Variants in EIF2AK1 observed in about 807,000 individuals in gnomAD.
The protein encoded by EIF2AK1 is eukaryotic translation initiation factor 2 alpha kinase 1.
Under a neutral mutation model 77.9 loss-of-function variants are expected in EIF2AK1, and 54 were observed. The observed-to-expected ratio is 0.69, with a 90% confidence interval of 0.56 to 0.87. The LOEUF (loss-of-function observed/expected upper bound fraction) is 0.87, where lower values mean the gene tolerates loss of function less well. Among genes scored for constraint, EIF2AK1 ranks in the 40% least tolerant of loss-of-function variants. EIF2AK1 has a pLI of 0.00. For synonymous variants in EIF2AK1, 314 were observed against 290.5 expected, an observed-to-expected ratio of 1.08 and a Z score of -0.82; for missense variants, 810 against 768.6, an observed-to-expected ratio of 1.05 and a Z score of -0.64.
rs1488649921 is a variant in EIF2AK1, at chr7:6,032,573, A to C, written c.1333-3541T>G. Among the ~76,000 whole-genome samples, 1 of 152,236 alleles carries C rather than the reference A, an allele frequency of 6.6e-6. No individual in the cohort carries two copies. The highest frequency in any genetic ancestry group is 1.5e-5 in the Non-Finnish European group (1 of 68,046). The stretch of plus-strand genomic sequence containing the variant: ...AGGCTCTTCTGAAGAATCAACTTTC[A>C]AAAATTTCCAAAGCTTTTGAGTGTT... On this transcript the variant is annotated intron_variant, in intron 11 of 14. Transcript: ENST00000199389. The surrounding 1 kb of genome is among the most constrained non-coding windows in gnomAD (Gnocchi z 4.3).
At chr7:6,044,014 A>T (rs1322780413) in intron 7 of EIF2AK1, among the ~76,000 whole-genome samples, 1 of 147,644 alleles carries the variant, frequency 6.8e-6, no homozygotes, top group Non-Finnish European at 1.5e-5. Flanking sequence ...CAGAAGAATC[A>T]CTTAAGCCCA....
In EIF2AK1 at chr7:6,036,586, C is replaced by G. The variant is rs1257738251; in HGVS notation, c.1332+838G>C. ...TTCCTAGGTTTTTTTTTTTTTCATG[C>G]CCTTTCCATGATTTAACTTTGGGCT... On this transcript the variant is annotated intron_variant, in intron 11 of 14. Transcript: ENST00000199389. This position sits in a 1 kb window ranked among gnomAD's most constrained non-coding sequence, Gnocchi z 4.6. Among the ~76,000 whole-genome samples the G allele has an allele frequency of 6.7e-6, 1 of 150,072 alleles. No individual in the cohort carries two copies. Among genetic ancestry groups the G allele is most frequent in the Non-Finnish European group, 1.5e-5 (1 of 67,596 alleles).
At position 6,048,852 on chromosome 7, in the gene EIF2AK1, T is replaced by A. The variant is rs1322749747; in HGVS notation, c.412-8A>T. On this transcript the variant is annotated splice_polypyrimidine_tract_variant and splice_region_variant and intron_variant, in intron 3 of 14. Coordinates refer to ENST00000199389, the MANE Select transcript of EIF2AK1 (RefSeq NM_014413.4). ...AATATCCTCACAAGGATCCTACAATTAAAAAATTGTTTTTAAAAAGCATTT... is the reference window on the plus strand; with the variant it reads ...AATATCCTCACAAGGATCCTACAATAAAAAAATTGTTTTTAAAAAGCATTT... 3.8e-6 allele frequency: 6 copies of A among 1,571,850 alleles called. No homozygotes were observed. The highest frequency in any genetic ancestry group is 5.1e-6 in the Non-Finnish European group (6 of 1,165,830).
chr7:6,048,830 A>G lies in EIF2AK1; in HGVS notation c.426T>C (p.Asp142=). ...ACCTGATTTTCTGGATACGAGAAAT[A>G]TCCTCACAAGGATCCTACAATTAAA... is the stretch of plus-strand genomic sequence containing the variant. ...KERVRQDPCE[D]ISRIQKIRSR... Residue 142 remains aspartate (D), a synonymous_variant, in exon 4 of 15, where the codon GAT becomes GAC. Coordinates refer to ENST00000199389, the MANE Select transcript of EIF2AK1 (RefSeq NM_014413.4). 3.8e-6 allele frequency: 6 copies of G among 1,589,340 alleles called. No individual in the cohort carries two copies. The highest frequency in any genetic ancestry group is 5.1e-6 in the Non-Finnish European group (6 of 1,172,706).
chr7:6,040,570 G>A (rs932374272), intron 9 of EIF2AK1, among the ~76,000 whole-genome samples: 2 of 152,288 alleles, frequency 1.3e-5, no homozygotes, highest in Middle Eastern at 6.8e-3. Flanking sequence ...AAATCGTTTT[G>A]CATAAATATA....
At chr7:6,039,410 A>C (rs1788226443) in intron 9 of EIF2AK1, among the ~76,000 whole-genome samples, 1 of 151,812 alleles carries the variant, frequency 6.6e-6, no homozygotes, top group Non-Finnish European at 1.5e-5. Context: ...TCACGAGGTC[A>C]GGAGTTCAAG....
rs1488264381 is a variant in EIF2AK1, at chr7:6,059,087, C to A, written c.-4G>T. ...CCCCGGAGTTGCCCCCCTGCATCGC[C>A]GGCCGCGCGCGGGCCGCAGCCCAGC... On this transcript the variant is annotated 5_prime_UTR_variant, in exon 1 of 15. Transcript: ENST00000199389. 7.2e-7 allele frequency: 1 copy of A among 1,382,150 alleles called. No homozygotes were observed. The highest frequency in any genetic ancestry group is 1.7e-5 in the South Asian group (1 of 60,584). The allele number at this position is 1,382,150 out of a possible 1,614,324, so 85.6% of individuals were successfully genotyped here.
In EIF2AK1 at chr7:6,022,842, A is replaced by T. The variant is rs919626572; in HGVS notation, c.*1831T>A. 3.1e-5 allele frequency: 5 copies of T among 159,630 alleles called. No individual in the cohort carries two copies. The highest frequency in any genetic ancestry group is 7.2e-5 in the African/African-American group (3 of 41,546). 9.9% of individuals were successfully genotyped at this position (159,630 alleles called of 1,614,324 possible). A position where few individuals can be genotyped will look rare whatever the true frequency, so the allele number is the denominator to read the frequency against. ...TATGGCCATATAAAGATAGGATGTT[A>T]TGTATTGACTATCCCACAGATGTAT... On this transcript the variant is annotated 3_prime_UTR_variant, in exon 15 of 15. Transcript: ENST00000199389.
chr7:6,039,903 C>A (rs1244616574), intron 9 of EIF2AK1, among the ~76,000 whole-genome samples: 1 of 151,960 alleles, frequency 6.6e-6, no homozygotes, highest in Non-Finnish European at 1.5e-5. Flanking sequence ...TGCCACTGTA[C>A]TCCAGCCTGG....
chr7:6,023,053 C>G lies in EIF2AK1; in HGVS notation c.*1620G>C. 11 of 451,394 alleles carry G rather than the reference C, an allele frequency of 2.4e-5. No homozygotes were observed. Among genetic ancestry groups the G allele is most frequent in the South Asian group, 7.1e-5 (2 of 28,160 alleles). The allele number at this position is 451,394 out of a possible 1,614,324, so 28.0% of individuals were successfully genotyped here. On this transcript the variant is annotated 3_prime_UTR_variant, in exon 15 of 15. Transcript: ENST00000199389. ...TGGAGCAGGTGGTCTGAGGTCCCTT[C>G]TAGCTTCAGAAGTGTCATAATCAAA...
chr7:6,034,777 C>T (rs950960240), intron 11 of EIF2AK1, among the ~76,000 whole-genome samples: 7 of 152,154 alleles, frequency 4.6e-5, no homozygotes, highest in African/African-American at 1.4e-4. Flanking sequence ...TTTTTGAAAG[C>T]GCTTCTGAGA....
In EIF2AK1 at chr7:6,024,716, T is replaced by C. The variant is rs1189364184; in HGVS notation, c.1850A>G (p.Asp617Gly). 3 of 1,610,046 alleles carry C rather than the reference T, an allele frequency of 1.9e-6. No individual in the cohort carries two copies. Among genetic ancestry groups the C allele is most frequent in the Non-Finnish European group, 2.5e-6 (3 of 1,178,934 alleles). ...LKKQLNLLSQDKGVRDDGKDG... is the reference protein window; with the variant it reads ...LKKQLNLLSQGKGVRDDGKDG... ...CTTTCCGTCATCCCTCACCCCTTTGTCTTGAGAAAGGAGGTTTAGCTGCTT... is the reference window on the plus strand; with the variant it reads ...CTTTCCGTCATCCCTCACCCCTTTGCCTTGAGAAAGGAGGTTTAGCTGCTT... The change falls in exon 15 of 15, where the codon GAC (aspartate) becomes GGC (glycine). Residue 617 changes from aspartate (D) to glycine (G), a missense_variant. Around this residue, in one of 3 missense-constraint regions of EIF2AK1, gnomAD observed 549 missense variants for 533.7 expected, o/e 1.03. Transcript: ENST00000199389.
At chr7:6,058,229 G>A in intron 1 of EIF2AK1, 2 of 447,882 alleles carry the variant, frequency 4.5e-6, no homozygotes, top group South Asian at 3.1e-5. Context: ...GGGAAACACA[G>A]CAAGACCACA....
chr7:6,040,926 G>C lies in EIF2AK1; in HGVS notation c.1085C>G (p.Ser362Cys). The C allele has an allele frequency of 5.6e-6, 9 of 1,614,144 alleles. No individual in the cohort carries two copies. Among genetic ancestry groups the C allele is most frequent in the Non-Finnish European group, 7.6e-6 (9 of 1,180,014 alleles). ...ACCCAAAAAGTTGACATTTTCTTCG[G>C]AAGATTCTTCGGTGGATGTGAAACT... ...EESFTSTEESSEENVNFLGQT... is the reference protein window; with the variant it reads ...EESFTSTEESCEENVNFLGQT... Residue 362 changes from serine to cysteine, a missense_variant, in exon 9 of 15, where the codon TCC becomes TGC. Physicochemically the swap from Ser to Cys is moderately radical, Grantham distance 112 (BLOSUM62 -1). Coordinates refer to ENST00000199389, the MANE Select transcript of EIF2AK1 (RefSeq NM_014413.4).
Position 6,038,621 on chromosome 7 carries a change from C to T in EIF2AK1, c.1170G>A (p.Ser390=), listed in dbSNP as rs1788176681. 6.8e-6 allele frequency: 11 copies of T among 1,613,308 alleles called. No individual in the cohort carries two copies. The highest frequency in any genetic ancestry group is 2.2e-5 in the East Asian group (1 of 44,824). The change falls in exon 10 of 15, where the codon TCG becomes TCA. Residue 390 remains serine, a synonymous_variant. Coordinates refer to ENST00000199389, the MANE Select transcript of EIF2AK1 (RefSeq NM_014413.4). ...LHIQMQLCEL[S]LWDWIVERNK... ...TTCTCTCGACTATCCAATCCCACAG[C>T]GAGAGCTCACACAGCTGCATCTGGA... is the stretch of plus-strand genomic sequence containing the variant.
chr7:6,024,043 G>A lies in EIF2AK1; in HGVS notation c.*630C>T, dbSNP rs12657. On this transcript the variant is annotated 3_prime_UTR_variant, in exon 15 of 15. Coordinates refer to ENST00000199389, the MANE Select transcript of EIF2AK1 (RefSeq NM_014413.4). The stretch of plus-strand genomic sequence containing the variant: ...CAGGGCAAAGGCAGGAAAGAGATCT[G>A]AGCTGCCTGGAGATCATCTGGGGTG... 0.047 allele frequency: 61,319 copies of A among 1,313,014 alleles called. 1,626 individuals are homozygous for A. The highest frequency in any genetic ancestry group is 0.053 in the Non-Finnish European group (52,903 of 1,005,354). 81.3% of individuals were successfully genotyped at this position (1,313,014 alleles called of 1,614,324 possible).
Position 6,050,017 on chromosome 7 carries a change from C to A in EIF2AK1, c.306G>T (p.Gly102=). 1.2e-6 allele frequency: 2 copies of A among 1,610,870 alleles called. No individual in the cohort carries two copies. The highest frequency in any genetic ancestry group is 1.7e-5 in the Admixed American group (1 of 59,228). ...KLLCQTFIKM[G]LLSSFTCSDE... ...CACTACAAGTGAAAGAAGACAGCAG[C>A]CCCATTTTGATAAACGTCTGGCAAA... is the stretch of plus-strand genomic sequence containing the variant. Residue 102 remains glycine (G), a synonymous_variant, in exon 3 of 15, where the codon GGG becomes GGT. Transcript: ENST00000199389.
intron 9 of EIF2AK1, 141 bp downstream of exon 9, chr7:6,040,751 C>G: frequency 1.4e-6 from 1 of 721,994 alleles, no homozygotes; most frequent in Non-Finnish European, 2.3e-6. Context: ...CGCAAAGGCC[C>G]CATGGCAAGG....
At chr7:6,034,045 C>T (rs866058445) in intron 11 of EIF2AK1, among the ~76,000 whole-genome samples, 59 of 151,010 alleles carry the variant, frequency 3.9e-4, no homozygotes, top group Non-Finnish European at 6.9e-4. Flanking sequence ...AGGCCGGGCG[C>T]GGTGGCTCAC....
Sources: gnomAD v4.1 joint callset for allele counts (sites outside exome capture counted in the v4.1 genomes callset) on GRCh38, gnomAD v4.1.1 for gene constraint, gnomAD v4.1.1 regional missense constraint, Gnocchi (gnomAD v3.1) non-coding constraint, MANE v1.5 for transcripts, NCBI Gene and HGNC (gene_info 2026-07-23, HGNC 2026-07-21) for gene names.